Variants in ERG observed in about 807,000 individuals in gnomAD.
ERG encodes the protein ETS transcription factor ERG.
In ERG, 9 loss-of-function variants were observed where a neutral mutation model predicts 55.3. That is an observed-to-expected ratio of 0.16 (90% CI 0.10 to 0.28). The LOEUF (loss-of-function observed/expected upper bound fraction) is 0.28, where lower values mean the gene tolerates loss of function less well. Ranked by LOEUF, ERG falls within the 10% of genes least tolerant of loss-of-function variation. ERG has a pLI of 1.00. For synonymous variants in ERG, 223 were observed against 237.3 expected (o/e 0.94, Z 0.55); for missense variants, 434 against 631.6 (o/e 0.69, Z 3.35).
rs1375190017 is a variant in ERG at position 38,485,806 on chromosome 21, C to T, written c.18+12557G>A. On this transcript the variant is annotated intron_variant, in intron 1 of 9. Transcript: ENST00000288319. ...CAGTAGTAGATAGTGATGTCCTAGG[C>T]TTTCACATTCACTAACCACTCACTG... is the stretch of plus-strand genomic sequence containing the variant. Among the ~76,000 whole-genome samples the T allele has an allele frequency of 2.0e-5, 3 of 151,894 alleles. No individual in the cohort carries two copies. In the East Asian group the frequency reaches 5.8e-4, roughly 29 times the overall value.
At chr21:38,549,411 C>T (rs934125642) in intron 2 of ERG, among the ~76,000 whole-genome samples, 1 of 152,158 alleles carries the variant, frequency 6.6e-6, no homozygotes, top group African/African-American at 2.4e-5. Flanking sequence ...CTTACTTCAC[C>T]GAAATCTACA....
At chr21:38,651,244 A>C (rs547115621) in intron 1 of ERG, among the ~76,000 whole-genome samples, 4 of 152,362 alleles carry the variant, frequency 2.6e-5, no homozygotes, top group African/African-American at 9.6e-5. Flanking sequence ...GCTGGCATTC[A>C]ATTTTCTATT....
intron 1 of ERG, among the ~76,000 whole-genome samples, chr21:38,493,414 C>T (rs192550201): frequency 1.3e-5 from 2 of 152,236 alleles, no homozygotes; most frequent in East Asian, 1.9e-4. Flanking sequence ...CAGATACACA[C>T]GGTGGAGAGA....
chr21:38,648,433 T>C (rs543588208), intron 1 of ERG, among the ~76,000 whole-genome samples: 3 of 152,216 alleles, frequency 2.0e-5, no homozygotes, highest in African/African-American at 7.2e-5. Context: ...ATGCAAAAAA[T>C]AACTTTGCAA....
At chr21:38,615,957 G>GTCCCCA (rs1360734582) in intron 1 of ERG, among the ~76,000 whole-genome samples, 2 of 151,992 alleles carry the variant, frequency 1.3e-5, no homozygotes, top group African/African-American at 2.4e-5. Context: ...TTGGTTCTGT[G>GTCCCCA]TCCCCACCCA....
chr21:38,605,176 T>C (rs1345951286), intron 1 of ERG, among the ~76,000 whole-genome samples: 1 of 152,168 alleles, frequency 6.6e-6, no homozygotes, highest in Non-Finnish European at 1.5e-5. Context: ...CTATCTATAC[T>C]ACCCCAAATG....
chr21:38,473,696 G>A (rs1200103481), intron 1 of ERG, among the ~76,000 whole-genome samples: 1 of 151,592 alleles, frequency 6.6e-6, no homozygotes, highest in Non-Finnish European at 1.5e-5. Context: ...ACTATTTTGT[G>A]AAATGAAGTT....
chr21:38,397,077 T>C (rs1413805354), intron 6 of ERG, among the ~76,000 whole-genome samples: 4 of 152,150 alleles, frequency 2.6e-5, no homozygotes, highest in Non-Finnish European at 4.4e-5. Flanking sequence ...GGGAAAATAC[T>C]AGGTACGGGC....
At position 38,554,846 on chromosome 21, in the gene ERG, A is replaced by T. The variant is rs531525834; in HGVS notation, c.-41+20816T>A. Among the ~76,000 whole-genome samples the T allele has an allele frequency of 2.0e-4, 31 of 152,274 alleles. 1 individual carries two copies. Among genetic ancestry groups the T allele is most frequent in the African/African-American group, 6.3e-4 (26 of 41,544 alleles). On this transcript the variant is annotated intron_variant, in intron 2 of 8. Transcript: ENST00000398897. ...AAATAAAAGTTAGAAAGGAAAAAAA[A>T]AAAACTAAATCCCTATCTCACATTA...
At chr21:38,401,220 T>C (rs1206944438) in intron 5 of ERG, among the ~76,000 whole-genome samples, 2 of 152,246 alleles carry the variant, frequency 1.3e-5, no homozygotes, top group African/African-American at 4.8e-5. Flanking sequence ...CATTGGTTTC[T>C]TCCGTGTTTA....
chr21:38,500,806 T>C (rs1054867799), upstream of ERG, among the ~76,000 whole-genome samples: 1 of 152,198 alleles, frequency 6.6e-6, no homozygotes, highest in Non-Finnish European at 1.5e-5. Context: ...ATTTTGGAAA[T>C]GCATACAAAC....
intron 2 of ERG, among the ~76,000 whole-genome samples, chr21:38,442,676 C>A (rs1192077859): frequency 6.6e-6 from 1 of 152,228 alleles, no homozygotes; most frequent in African/African-American, 2.4e-5. Context: ...GGTCACAACA[C>A]AGGCTGGAAA....
intron 1 of ERG, among the ~76,000 whole-genome samples, chr21:38,484,081 T>C (rs536951821): frequency 2.6e-5 from 4 of 152,158 alleles, no homozygotes; most frequent in African/African-American, 7.2e-5. Flanking sequence ...ACTTAAGGCA[T>C]AGAACTTTAA....
chr21:38,612,892 A>C (rs1248411799), intron 1 of ERG, among the ~76,000 whole-genome samples: 1 of 151,824 alleles, frequency 6.6e-6, no homozygotes, highest in Non-Finnish European at 1.5e-5. Context: ...CGATCTCCTG[A>C]CCTCGTGATC....
At chr21:38,466,576 T>C (rs1315452949) in intron 1 of ERG, among the ~76,000 whole-genome samples, 1 of 152,066 alleles carries the variant, frequency 6.6e-6, no homozygotes, top group Non-Finnish European at 1.5e-5. Context: ...GGGGGGTCTA[T>C]GTTGGAAGCA....
intron 8 of ERG, among the ~76,000 whole-genome samples, chr21:38,391,311 A>G (rs1279308214): frequency 6.6e-6 from 1 of 152,204 alleles, no homozygotes; most frequent in Non-Finnish European, 1.5e-5. Flanking sequence ...CCAACCAATG[A>G]TATAAAGAGG....
chr21:38,505,920 T>C (rs1485283642), intron 2 of ERG, among the ~76,000 whole-genome samples: 2 of 152,220 alleles, frequency 1.3e-5, no homozygotes, highest in African/African-American at 4.8e-5. Context: ...CTAGTGTGCC[T>C]AATTCTTGAT....
At position 38,512,745 on chromosome 21, in the gene ERG, T is replaced by C. The variant is rs189443420; in HGVS notation, c.-41+62917A>G. On this transcript the variant is annotated intron_variant, in intron 2 of 8. Coordinates refer to the ERG transcript ENST00000398897. ...TTGAGAAAATTTAGGATAAAACAAG[T>C]GTGTGCTACCTTTGTAATCAGATAA... is the stretch of plus-strand genomic sequence containing the variant. Among the ~76,000 whole-genome samples, 1,240 of 152,268 alleles carry C rather than the reference T, an allele frequency of 8.1e-3. 16 individuals are homozygous for C. The highest frequency in any genetic ancestry group is 0.028 in the African/African-American group (1,169 of 41,550).
intron 1 of ERG, among the ~76,000 whole-genome samples, chr21:38,603,760 C>T (rs79204936): frequency 0.014 from 2,090 of 152,044 alleles, 53 homozygotes; most frequent in African/African-American, 0.036. Context: ...AGGAGGAAAG[C>T]GGAAGAACAG....
Sources: gnomAD v4.1 joint callset for allele counts (sites outside exome capture counted in the v4.1 genomes callset) on GRCh38, gnomAD v4.1.1 for gene constraint, MANE v1.5 for transcripts, NCBI Gene and HGNC (gene_info 2026-07-23, HGNC 2026-07-21) for gene names.